NAPEPLD: variants seen among roughly 807,000 people sequenced by gnomAD.
NAPEPLD encodes the protein N-acyl-phosphatidylethanolamine-hydrolyzing phospholipase D.
In NAPEPLD, 23 loss-of-function variants were observed where a neutral mutation model predicts 38.1. The ratio of observed to expected loss-of-function variants is 0.60; its 90% CI spans 0.43 to 0.86. The LOEUF (loss-of-function observed/expected upper bound fraction) is 0.86. NAPEPLD is among the 40% of genes least tolerant of loss of function. NAPEPLD has a pLI of 0.00. For missense variants in NAPEPLD, 411 were observed against 476.8 expected (o/e 0.86, Z 1.28); for synonymous variants, 147 against 162.0 (o/e 0.91, Z 0.71).
chr7:103,115,143 C>G lies in NAPEPLD; in HGVS notation c.973G>C (p.Glu325Gln), dbSNP rs1245126891. 3.1e-6 allele frequency: 5 copies of G among 1,613,970 alleles called. No homozygotes were observed. Among genetic ancestry groups the G allele is most frequent in the Non-Finnish European group, 4.2e-6 (5 of 1,179,944 alleles). ...WFMKYQHVDP[E>Q]EAVRIHTDVQ... is the part of the protein sequence containing the mutation. ...TCAGTGTGAATCCTTACAGCTTCTT[C>G]TGGGTCTACATGCTGGTATTTCATA... Residue 325 changes from glutamate to glutamine, a missense_variant, in exon 4 of 5, where the codon GAA (glutamate) becomes CAA (glutamine). Coordinates refer to ENST00000465647, the MANE Select transcript of NAPEPLD (RefSeq NM_001122838.3).
At position 103,144,182 on chromosome 7, in the gene NAPEPLD, T is replaced by A. The variant is rs184893850; in HGVS notation, c.-17+4629A>T. 8.8e-3 allele frequency among the ~76,000 whole-genome samples: 1,337 copies of A among 152,352 alleles called. 14 individuals are homozygous for A. Among genetic ancestry groups the A allele is most frequent in the Non-Finnish European group, 0.014 (943 of 68,034 alleles). On this transcript the variant is annotated intron_variant, in intron 1 of 4. Coordinates refer to ENST00000465647, the MANE Select transcript of NAPEPLD (RefSeq NM_001122838.3). ...TGCTCTTTCCACTAATCATGTTGAA[T>A]CTACAAGGAAAATTCAATAAATTTA...
chr7:103,148,818 C>T lies in NAPEPLD; in HGVS notation c.-24G>A, dbSNP rs546247102. The T allele has an allele frequency of 2.0e-6, 2 of 985,366 alleles. No homozygotes were observed. Among genetic ancestry groups the T allele is most frequent in the Non-Finnish European group, 1.2e-6 (1 of 829,914 alleles). 61.0% of individuals were successfully genotyped at this position (985,366 alleles called of 1,614,324 possible). The stretch of plus-strand genomic sequence containing the variant: ...AAAAGAAGATAAACCCACATGTATT[C>T]CTATCAGTGAAGATGCAACCTGGTA... On this transcript the variant is annotated 5_prime_UTR_variant, in exon 1 of 5. Coordinates refer to ENST00000465647, the MANE Select transcript of NAPEPLD (RefSeq NM_001122838.3).
chr7:103,135,267 AG>A (rs1809791497), intron 1 of NAPEPLD, among the ~76,000 whole-genome samples: 1 of 152,244 alleles, frequency 6.6e-6, no homozygotes, highest in South Asian at 2.1e-4. Flanking sequence ...TTGAAGAGAA[AG>A]GGCCCTTTTG....
At chr7:103,143,082 A>T (rs1450018072) in intron 1 of NAPEPLD, among the ~76,000 whole-genome samples, 4 of 23,462 alleles carry the variant, frequency 1.7e-4, no homozygotes, top group Non-Finnish European at 3.5e-4. Context: ...CAAAAAAACA[A>T]AAAAACAAAC....
At chr7:103,125,981 C>T (rs1807708924) in intron 2 of NAPEPLD, among the ~76,000 whole-genome samples, 2 of 151,792 alleles carry the variant, frequency 1.3e-5, no homozygotes, top group Non-Finnish European at 2.9e-5. Context: ...TTTCAAATTG[C>T]TGAAATTTAT....
At chr7:103,104,581 G>A (rs1024027792) in intron 4 of NAPEPLD, among the ~76,000 whole-genome samples, 4 of 152,170 alleles carry the variant, frequency 2.6e-5, no homozygotes, top group Non-Finnish European at 5.9e-5. Context: ...AGGTTTTATG[G>A]CTATGTTTAA....
intron 4 of NAPEPLD, among the ~76,000 whole-genome samples, chr7:103,108,134 CTT>C (rs56793237): frequency 3.1e-4 from 36 of 117,522 alleles, no homozygotes; most frequent in African/African-American, 1.2e-3. Context: ...ATTCAACATT[CTT>C]TTTTTTTTTT....
intron 4 of NAPEPLD, among the ~76,000 whole-genome samples, chr7:103,107,249 C>A (rs10808127): frequency 0.88 from 133,131 of 152,010 alleles, 61,017 homozygotes; most frequent in East Asian, 1. Flanking sequence ...CTGAAGGTCA[C>A]CAACATCAAA....
At chr7:103,110,351 C>G (rs1804266991) in intron 4 of NAPEPLD, among the ~76,000 whole-genome samples, 1 of 152,164 alleles carries the variant, frequency 6.6e-6, no homozygotes, top group African/African-American at 2.4e-5. Context: ...TAATGGCAAA[C>G]TGAACCCAGC....
intron 2 of NAPEPLD, chr7:103,128,006 C>T (rs1808175431): frequency 6.5e-6 from 1 of 154,342 alleles, no homozygotes; most frequent in Admixed American, 6.5e-5. Flanking sequence ...CTTTGGTAGC[C>T]TTATCCAAGG....
At chr7:103,109,238 C>G (rs1563346314) in intron 4 of NAPEPLD, among the ~76,000 whole-genome samples, 1 of 152,100 alleles carries the variant, frequency 6.6e-6, no homozygotes, top group Non-Finnish European at 1.5e-5. Flanking sequence ...ACCAAGCAGA[C>G]CTAACAGACA....
At chr7:103,128,424 T>A (rs773081052) in intron 2 of NAPEPLD, 59 bp downstream of exon 2, 2 of 1,576,632 alleles carry the variant, frequency 1.3e-6, no homozygotes, top group Non-Finnish European at 1.7e-6. Flanking sequence ...AGGGCTCAAA[T>A]AACTAGAGTG....
chr7:103,135,538 T>C (rs1809850088), intron 1 of NAPEPLD, among the ~76,000 whole-genome samples: 1 of 152,162 alleles, frequency 6.6e-6, no homozygotes, highest in African/African-American at 2.4e-5. Context: ...CAAAAAAGTA[T>C]TGCACTGTTA....
chr7:103,140,651 C>T (rs2129535911), intron 1 of NAPEPLD, among the ~76,000 whole-genome samples: 1 of 152,160 alleles, frequency 6.6e-6, no homozygotes, highest in Admixed American at 6.5e-5. Context: ...CCTTGGCCTC[C>T]CAAAGTGCAG....
rs1563354377 is a variant in NAPEPLD, at chr7:103,119,714, GC to G, written c.803del (p.Gly268AlafsTer27). 2 of 1,614,154 alleles carry G rather than the reference GC, an allele frequency of 1.2e-6. No individual in the cohort carries two copies. The highest frequency in any genetic ancestry group is 1.7e-6 in the Non-Finnish European group (2 of 1,180,030). ...TCCAAGGCCCCAAGACAGACCAGCTGCCCCATAGCACCTTGTTGTCATCCAT... is the reference window on the plus strand; with the variant it reads ...TCCAAGGCCCCAAGACAGACCAGCTGCCCATAGCACCTTGTTGTCATCCAT... The part of the protein sequence containing the change: ...TLMDDNKVLW[G>X]SWSVLGPWNR... On this transcript the variant is annotated frameshift_variant, in exon 3 of 5. Coordinates refer to ENST00000465647, the MANE Select transcript of NAPEPLD (RefSeq NM_001122838.3). LOFTEE classifies it high-confidence loss of function.
intron 1 of NAPEPLD, among the ~76,000 whole-genome samples, chr7:103,132,334 G>A (rs2411082): frequency 0.89 from 135,911 of 152,208 alleles, 62,667 homozygotes; most frequent in East Asian, 1. Flanking sequence ...AGTGCAATGA[G>A]AAGAGAAAAA....
chr7:103,138,865 C>T (rs913996761), intron 1 of NAPEPLD, among the ~76,000 whole-genome samples: 2 of 152,192 alleles, frequency 1.3e-5, no homozygotes, highest in African/African-American at 4.8e-5. Context: ...AGTCTCTCCA[C>T]CTCTAAAATT....
rs117971043 is a variant in NAPEPLD at position 103,131,975 on chromosome 7, G to A, written c.-16-3183C>T. Among the ~76,000 whole-genome samples the A allele has an allele frequency of 2.2e-4, 33 of 152,212 alleles. No homozygotes were observed. The East Asian group carries it at 5.6e-3, about 26-fold the overall frequency. ...CTAAAAATTCAAAAATTAGTCGGGC[G>A]TGGTGGCGCGTGCCTGCAGTCACAG... On this transcript the variant is annotated intron_variant, in intron 1 of 4. Transcript: ENST00000465647.
chr7:103,138,445 C>A (rs1477160), intron 1 of NAPEPLD, among the ~76,000 whole-genome samples: 137,901 of 151,516 alleles, frequency 0.91, 64,133 homozygotes, highest in East Asian at 1. Context: ...GTCCAGTTCC[C>A]ACTTTGACTC....
Sources: allele counts gnomAD v4.1 joint callset (sites outside exome capture counted in the v4.1 genomes callset), GRCh38; gene constraint gnomAD v4.1.1; transcripts MANE v1.5; gene names NCBI Gene and HGNC (gene_info 2026-07-23, HGNC 2026-07-21).